GNGT1: variants seen among roughly 807,000 people sequenced by gnomAD.
GNGT1 encodes G protein subunit gamma transducin 1.
In GNGT1, 4 loss-of-function variants were observed where a neutral mutation model predicts 7.4. The ratio of observed to expected loss-of-function variants is 0.54; its 90% CI spans 0.27 to 1.24. The LOEUF is 1.24. Ranked by LOEUF, GNGT1 falls within the 50% of genes most tolerant of loss-of-function variation. The pLI is 0.12. For missense variants in GNGT1, 95 were observed against 82.4 expected (o/e 1.15, Z -0.59); for synonymous variants, 37 against 30.2 (o/e 1.23, Z -0.74).
chr7:93,910,623 G>A, intron 2 of GNGT1, 167 bp from the exon 3 acceptor site: 1 of 376,370 alleles, frequency 2.7e-6, no homozygotes, highest in Non-Finnish European at 4.9e-6. Context: ...GGAGTGGGAA[G>A]GGTGCAACTT....
rs749751598 is a variant in GNGT1, at chr7:93,910,804, T to C, written c.111T>C (p.Cys37=). The change falls in exon 3 of 3, where the codon TGT becomes TGC. Residue 37 remains cysteine, a synonymous_variant. Coordinates refer to ENST00000248572, the MANE Select transcript of GNGT1 (RefSeq NM_021955.5). ...TLERMLVSKC[C]EEVRDYVEER... ...TTCCCCTTAAGGTTTCCAAATGTTG[T>C]GAAGAAGTAAGAGATTACGTTGAAG... The C allele has an allele frequency of 3.1e-6, 5 of 1,603,534 alleles. No individual in the cohort carries two copies. The Admixed American group carries it at 6.7e-5, about 22-fold the overall frequency.
Position 93,910,939 on chromosome 7 carries a change from A to C in GNGT1, c.*21A>C, listed in dbSNP as rs1794456959. 2.6e-6 allele frequency: 4 copies of C among 1,515,446 alleles called. No individual in the cohort carries two copies. The highest frequency in any genetic ancestry group is 3.6e-6 in the Non-Finnish European group (4 of 1,121,932). 93.9% of individuals were successfully genotyped at this position (1,515,446 alleles called of 1,614,324 possible). On this transcript the variant is annotated 3_prime_UTR_variant, in exon 3 of 3. Transcript: ENST00000248572. ...CATAATACAAACAAAAAGAAAAAAAATTAAACAAATTCTTGGAAATATCTC... is the reference window on the plus strand; with the variant it reads ...CATAATACAAACAAAAAGAAAAAAACTTAAACAAATTCTTGGAAATATCTC...
In GNGT1 at chr7:93,911,077, C is replaced by T; in HGVS notation, c.*159C>T. The T allele has an allele frequency of 2.5e-6, 1 of 407,196 alleles. No individual in the cohort carries two copies. Among genetic ancestry groups the T allele is most frequent in the South Asian group, 6.1e-5 (1 of 16,352 alleles). The allele number at this position is 407,196 out of a possible 1,614,324, so 25.2% of individuals were successfully genotyped here. On this transcript the variant is annotated 3_prime_UTR_variant, in exon 3 of 3. Transcript: ENST00000248572. ...TTAATAAAAATTGGGGTGTGGTAAC[C>T]CATCATTCTATGTTTTTCTTAACAT...
chr7:93,908,589 G>A (rs1038195262), intron 2 of GNGT1, among the ~76,000 whole-genome samples: 2 of 151,934 alleles, frequency 1.3e-5, no homozygotes, highest in African/African-American at 4.8e-5. Context: ...GGAGTTAGGA[G>A]TTCAACAAAT....
intron 2 of GNGT1, among the ~76,000 whole-genome samples, chr7:93,907,529 C>A (rs945753544): frequency 6.6e-6 from 1 of 152,026 alleles, no homozygotes; most frequent in African/African-American, 2.4e-5. Context: ...AAAGGGTTAC[C>A]AACAGTTCAC....
chr7:93,908,397 T>C (rs892004434), intron 2 of GNGT1, among the ~76,000 whole-genome samples: 1 of 151,950 alleles, frequency 6.6e-6, no homozygotes, highest in African/African-American at 2.4e-5. Context: ...GATCAAGACA[T>C]CAGCAGATTC....
rs772631015 is a variant in GNGT1 at position 93,910,984 on chromosome 7, A to G, written c.*66A>G. On this transcript the variant is annotated 3_prime_UTR_variant, in exon 3 of 3. Coordinates refer to ENST00000248572, the MANE Select transcript of GNGT1 (RefSeq NM_021955.5). ...TATCTCAAATGTTAATAACAATATG[A>G]ATTTTTCTCATGCATACTATTACTA... The G allele has an allele frequency of 4.0e-5, 46 of 1,164,294 alleles. No homozygotes were observed. The highest frequency in any genetic ancestry group is 9.4e-5 in the African/African-American group (6 of 63,986). The allele number at this position is 1,164,294 out of a possible 1,614,324, so 72.1% of individuals were successfully genotyped here. A position where few individuals can be genotyped will look rare whatever the true frequency, so the allele number is the denominator to read the frequency against.
At chr7:93,906,971 G>A in intron 2 of GNGT1, 129 bp downstream of exon 2, 1 of 497,620 alleles carries the variant, frequency 2.0e-6, no homozygotes, top group Non-Finnish European at 3.5e-6. Context: ...ATTTATCAAA[G>A]ATTAAGAAAA....
chr7:93,906,814 A>C lies in GNGT1; in HGVS notation c.68A>C (p.Lys23Thr). 1 of 1,600,962 alleles carries C rather than the reference A, an allele frequency of 6.2e-7. No individual in the cohort carries two copies. Among genetic ancestry groups the C allele is most frequent in the Non-Finnish European group, 8.5e-7 (1 of 1,172,610 alleles). Residue 23 changes from lysine to threonine, a missense_variant, in exon 2 of 3, where the codon AAG becomes ACG. Physicochemically the swap from Lys to Thr is moderately conservative, Grantham distance 78. Transcript: ENST00000248572. Reference sequence around the variant, plus strand: ...TTGAAGATGGAAGTTGACCAGCTCAAGAAAGAAGTGACACTGGAAAGAATG... The same window carrying C: ...TTGAAGATGGAAGTTGACCAGCTCACGAAAGAAGTGACACTGGAAAGAATG... ...DKLKMEVDQL[K>T]KEVTLERMLV...
Position 93,910,771 on chromosome 7 carries a change from C to A in GNGT1, c.97-19C>A. On this transcript the variant is annotated intron_variant, in intron 2 of 2. Coordinates refer to ENST00000248572, the MANE Select transcript of GNGT1 (RefSeq NM_021955.5). ...CTGTTTTAAACCAAATGAGTCATCC[C>A]TTTTTCCTTCCCCTTAAGGTTTCCA... The A allele has an allele frequency of 6.4e-7, 1 of 1,571,196 alleles. No individual in the cohort carries two copies. Among genetic ancestry groups the A allele is most frequent in the South Asian group, 1.2e-5 (1 of 84,914 alleles).
rs1794457339 is a variant in GNGT1, at chr7:93,910,949, T to C, written c.*31T>C. On this transcript the variant is annotated 3_prime_UTR_variant, in exon 3 of 3. Transcript: ENST00000248572. ...ACAAAAAGAAAAAAAATTAAACAAA[T>C]TCTTGGAAATATCTCAAATGTTAAT... 1.4e-6 allele frequency: 2 copies of C among 1,470,998 alleles called. No homozygotes were observed. Among genetic ancestry groups the C allele is most frequent in the Non-Finnish European group, 1.8e-6 (2 of 1,083,164 alleles). 91.1% of individuals were successfully genotyped at this position (1,470,998 alleles called of 1,614,324 possible).
chr7:93,909,295 T>C (rs2115895946), intron 2 of GNGT1, among the ~76,000 whole-genome samples: 1 of 152,346 alleles, frequency 6.6e-6, no homozygotes, highest in South Asian at 2.1e-4. Flanking sequence ...TCATATTTTA[T>C]ACATGAAGTA....
chr7:93,910,738 G>A, intron 2 of GNGT1, 52 bp from the exon 3 acceptor site: 1 of 1,344,046 alleles, frequency 7.4e-7, no homozygotes, highest in Non-Finnish European at 1.0e-6. Context: ...CCTGGCATCT[G>A]GAGTATTCTG....
In GNGT1 at chr7:93,910,998, A is replaced by G. The variant is rs1442584794; in HGVS notation, c.*80A>G. 5.1e-6 allele frequency: 5 copies of G among 975,170 alleles called. No individual in the cohort carries two copies. The highest frequency in any genetic ancestry group is 2.9e-6 in the Non-Finnish European group (2 of 677,970). The allele number at this position is 975,170 out of a possible 1,614,324, so 60.4% of individuals were successfully genotyped here. A position where few individuals can be genotyped will look rare whatever the true frequency, so the allele number is the denominator to read the frequency against. Reference sequence around the variant, plus strand: ...ATAACAATATGAATTTTTCTCATGCATACTATTACTACTAAGCATGTACGT... The same window carrying G: ...ATAACAATATGAATTTTTCTCATGCGTACTATTACTACTAAGCATGTACGT... On this transcript the variant is annotated 3_prime_UTR_variant, in exon 3 of 3. Transcript: ENST00000248572.
chr7:93,906,813 A>G lies in GNGT1; in HGVS notation c.67A>G (p.Lys23Glu). The G allele has an allele frequency of 6.2e-7, 1 of 1,601,126 alleles. No homozygotes were observed. Among genetic ancestry groups the G allele is most frequent in the Non-Finnish European group, 8.5e-7 (1 of 1,172,792 alleles). The change falls in exon 2 of 3, where the codon AAG (lysine) becomes GAG (glutamate). Residue 23 changes from lysine (K) to glutamate (E), a missense_variant. Physicochemically the swap from Lys to Glu is moderately conservative, Grantham distance 56. Transcript: ENST00000248572. ...DKLKMEVDQL[K>E]KEVTLERMLV... ...ATTGAAGATGGAAGTTGACCAGCTC[A>G]AGAAAGAAGTGACACTGGAAAGAAT...
At chr7:93,907,562 G>A (rs73412384) in intron 2 of GNGT1, among the ~76,000 whole-genome samples, 324 of 152,252 alleles carry the variant, frequency 2.1e-3, no homozygotes, top group African/African-American at 7.4e-3. Flanking sequence ...GAGAAGAAAT[G>A]GCAAAGGAAT....
chr7:93,906,805 A>G lies in GNGT1; in HGVS notation c.59A>G (p.Asp20Gly). The G allele has an allele frequency of 6.2e-7, 1 of 1,605,316 alleles. No homozygotes were observed. The highest frequency in any genetic ancestry group is 8.5e-7 in the Non-Finnish European group (1 of 1,175,574). The change falls in exon 2 of 3, where the codon GAC (aspartate) becomes GGC (glycine). Residue 20 changes from aspartate to glycine, a missense_variant. Transcript: ENST00000248572. ...TEKDKLKMEV[D>G]QLKKEVTLER... ...AAGGACAAATTGAAGATGGAAGTTGACCAGCTCAAGAAAGAAGTGACACTG... is the reference window on the plus strand; with the variant it reads ...AAGGACAAATTGAAGATGGAAGTTGGCCAGCTCAAGAAAGAAGTGACACTG...
intron 2 of GNGT1, chr7:93,909,684 C>T: frequency 8.2e-6 from 4 of 489,704 alleles, no homozygotes; most frequent in Non-Finnish European, 1.5e-5. Context: ...CAAGTATCAT[C>T]CTTTGAAGGA....
chr7:93,906,783 G>C lies in GNGT1; in HGVS notation c.37G>C (p.Asp13His), dbSNP rs765842422. The stretch of plus-strand genomic sequence containing the variant: ...CAATATTGAGGACCTGACAGAAAAG[G>C]ACAAATTGAAGATGGAAGTTGACCA... ...VINIEDLTEK[D>H]KLKMEVDQLK... Residue 13 changes from aspartate (D) to histidine (H), a missense_variant, in exon 2 of 3, where the codon GAC becomes CAC. Coordinates refer to ENST00000248572, the MANE Select transcript of GNGT1 (RefSeq NM_021955.5). The C allele has an allele frequency of 1.9e-6, 3 of 1,606,758 alleles. No homozygotes were observed. The South Asian group carries it at 3.3e-5, about 18-fold the overall frequency.
Sources: allele counts gnomAD v4.1 joint callset (sites outside exome capture counted in the v4.1 genomes callset), GRCh38; gene constraint gnomAD v4.1.1; transcripts MANE v1.5; gene names NCBI Gene and HGNC (gene_info 2026-07-23, HGNC 2026-07-21).